VDAC1: variants seen among roughly 807,000 people sequenced by gnomAD.
VDAC1 encodes non-selective voltage-gated ion channel VDAC1.
A neutral mutation model predicts 34.7 loss-of-function variants in VDAC1; 10 were observed. The ratio of observed to expected loss-of-function variants is 0.29; its 90% CI spans 0.18 to 0.49. The LOEUF is 0.49. Among genes scored for constraint, VDAC1 ranks in the 20% least tolerant of loss-of-function variants. VDAC1 has a pLI of 0.99. For missense variants in VDAC1, 230 were observed against 347.9 expected (o/e 0.66, Z 2.69); for synonymous variants, 130 against 136.0 (o/e 0.96, Z 0.30).
intron 5 of VDAC1, chr5:133,989,014 G>C (rs1466753226): frequency 6.6e-6 from 1 of 152,200 alleles, no homozygotes; most frequent in Admixed American, 6.5e-5. Context: ...AGAGTTCCTG[G>C]GGGGAGAGTG....
the VDAC1 span, among the ~76,000 whole-genome samples, chr5:134,026,431 C>T: frequency 7.1e-6 from 1 of 141,364 alleles, no homozygotes; most frequent in Middle Eastern, 3.4e-3. Context: ...AGGAGAATGG[C>T]GTGAACCCGG....
At chr5:133,977,998 T>C (rs1445980074) in intron 6 of VDAC1, among the ~76,000 whole-genome samples, 2 of 152,216 alleles carry the variant, frequency 1.3e-5, no homozygotes, top group African/African-American at 4.8e-5. Flanking sequence ...AAAATCAGTG[T>C]CTGAGTTCTG....
chr5:134,112,837 T>C, the VDAC1 span, among the ~76,000 whole-genome samples: 3 of 152,168 alleles, frequency 2.0e-5, no homozygotes, highest in East Asian at 1.9e-4. Context: ...ACTTTTCTCC[T>C]TTCTCCAAGG....
chr5:133,979,424 C>CT (rs71581380), intron 6 of VDAC1, among the ~76,000 whole-genome samples: 36,749 of 78,102 alleles, frequency 0.47, 11,142 homozygotes, highest in East Asian at 0.67. Flanking sequence ...ATTTTCTTTG[C>CT]TTTTTTTTTT....
chr5:134,091,145 C>T, the VDAC1 span, among the ~76,000 whole-genome samples: 15 of 152,198 alleles, frequency 9.9e-5, no homozygotes, highest in African/African-American at 3.4e-4. Context: ...CAGAAATGGG[C>T]TGTGAAAAAG....
chr5:134,081,443 T>C, the VDAC1 span, among the ~76,000 whole-genome samples: 3 of 152,244 alleles, frequency 2.0e-5, no homozygotes. Flanking sequence ...CCTCCCAAAG[T>C]ACTGGGATTA....
the VDAC1 span, among the ~76,000 whole-genome samples, chr5:134,073,646 A>C: frequency 1.3e-5 from 2 of 152,254 alleles, no homozygotes; most frequent in African/African-American, 2.4e-5. Context: ...GTGAATGTTC[A>C]TCAGAGAGAG....
intron 1 of VDAC1, among the ~76,000 whole-genome samples, chr5:134,000,431 T>G (rs546103509): frequency 6.6e-5 from 10 of 152,286 alleles, no homozygotes; most frequent in African/African-American, 1.9e-4. Flanking sequence ...CCCACCCACC[T>G]ATCAAGGGGA....
chr5:134,012,730 G>GAA, the VDAC1 span, among the ~76,000 whole-genome samples: 7 of 151,210 alleles, frequency 4.6e-5, no homozygotes, highest in African/African-American at 1.5e-4. Flanking sequence ...CACAGAATTA[G>GAA]AAAAAAAACT....
At chr5:134,055,597 T>TTTTTTTTGTTTTTGTTTTTG in the VDAC1 span, among the ~76,000 whole-genome samples, 1 of 48,046 alleles carries the variant, frequency 2.1e-5, no homozygotes, top group African/African-American at 5.8e-5. Context: ...TGTTTTTTTT[T>TTTTTTTTGTTTTTGTTTTTG]TTTTTTTTTT....
the VDAC1 span, among the ~76,000 whole-genome samples, chr5:134,038,977 G>A: frequency 6.6e-5 from 10 of 151,976 alleles, no homozygotes; most frequent in Non-Finnish European, 1.5e-4. Flanking sequence ...CTAATGTAAA[G>A]GCCCAGTAAT....
At chr5:134,027,915 C>T in the VDAC1 span, among the ~76,000 whole-genome samples, 52 of 149,754 alleles carry the variant, frequency 3.5e-4, no homozygotes, top group South Asian at 4.7e-3. Flanking sequence ...GGATTACAGG[C>T]GCCCACCACC....
At chr5:134,012,481 C>T in the VDAC1 span, among the ~76,000 whole-genome samples, 3 of 152,134 alleles carry the variant, frequency 2.0e-5, no homozygotes, top group Admixed American at 2.0e-4. Flanking sequence ...CCCAAGATGA[C>T]GGTATTAGAA....
chr5:134,022,121 T>C, the VDAC1 span, among the ~76,000 whole-genome samples: 4 of 152,144 alleles, frequency 2.6e-5, no homozygotes, highest in Non-Finnish European at 5.9e-5. Context: ...TCAGGTGATC[T>C]GACTGTGTCA....
chr5:134,005,876 C>CTA (rs1364246719), upstream of VDAC1, among the ~76,000 whole-genome samples: 11 of 152,218 alleles, frequency 7.2e-5, no homozygotes, highest in Admixed American at 1.3e-4. Flanking sequence ...CTTGAGGCGT[C>CTA]TAGGGCCCTG....
At chr5:133,975,261 CA>C (rs1752432596) in intron 7 of VDAC1, among the ~76,000 whole-genome samples, 1 of 150,922 alleles carries the variant, frequency 6.6e-6, no homozygotes, top group African/African-American at 2.4e-5. Context: ...CTCAAAAAAA[CA>C]AAAAATAAAA....
chr5:134,102,960 G>T, the VDAC1 span, among the ~76,000 whole-genome samples: 11,413 of 152,024 alleles, frequency 0.075, 771 homozygotes, highest in East Asian at 0.37. Context: ...CAGAGAAGGT[G>T]GGACAGGGAG....
chr5:134,093,386 C>A, the VDAC1 span, among the ~76,000 whole-genome samples: 1 of 152,102 alleles, frequency 6.6e-6, no homozygotes, highest in Non-Finnish European at 1.5e-5. Context: ...CAGAATGGCC[C>A]AGGTTGTGTT....
rs540122382 is a variant in VDAC1, at chr5:133,973,598, C to T, written c.760+193G>A. 3.3e-5 allele frequency among the ~76,000 whole-genome samples: 5 copies of T among 152,294 alleles called. No individual in the cohort carries two copies. The East Asian group carries it at 7.7e-4, about 23-fold the overall frequency. On this transcript the variant is annotated intron_variant, in intron 8 of 8. Transcript: ENST00000265333. ...TCAGCCTTTTTCCTCCTGCTTGCTA[C>T]ATCTCATATTCTCCAAATGTTTTAT... is the stretch of plus-strand genomic sequence containing the variant.
Sources: gnomAD v4.1 joint callset for allele counts (sites outside exome capture counted in the v4.1 genomes callset) on GRCh38, gnomAD v4.1.1 for gene constraint, MANE v1.5 for transcripts, NCBI Gene and HGNC (gene_info 2026-07-23, HGNC 2026-07-21) for gene names.